TLN2: variants seen among roughly 807,000 people sequenced by gnomAD.
TLN2 encodes the protein talin-2.
A neutral mutation model predicts 294.7 loss-of-function variants in TLN2; 118 were observed. The ratio of observed to expected loss-of-function variants is 0.40; its 90% CI spans 0.34 to 0.47. The LOEUF is 0.47. Ranked by LOEUF, TLN2 falls within the 20% of genes least tolerant of loss-of-function variation. The probability of loss-of-function intolerance (pLI) is 0.84; values close to 1 mark genes in which losing one functional copy is unlikely to be tolerated. For synonymous variants in TLN2, 1,431 were observed against 1,304.5 expected, an observed-to-expected ratio of 1.10 and a Z score of -2.09; for missense variants, 3,083 against 3,282.2, an observed-to-expected ratio of 0.94 and a Z score of 1.48.
At chr15:62,693,664 ATTTCTT>A (rs1239785752) in intron 13 of TLN2, among the ~76,000 whole-genome samples, 1 of 151,990 alleles carries the variant, frequency 6.6e-6, no homozygotes, top group Non-Finnish European at 1.5e-5. Context: ...AGAAAAACAG[ATTTCTT>A]AAGGCTTCAA....
rs1595895249 is a variant in TLN2, at chr15:62,758,365, G to A, written c.4638+2672G>A. Among the ~76,000 whole-genome samples the A allele has an allele frequency of 2.0e-5, 3 of 152,248 alleles. No individual in the cohort carries two copies. The South Asian group carries it at 6.2e-4, about 32-fold the overall frequency. On this transcript the variant is annotated intron_variant, in intron 37 of 58. Coordinates refer to ENST00000636159, the MANE Select transcript of TLN2 (RefSeq NM_015059.3). Reference sequence around the variant, plus strand: ...AGAAGGATGCACACCCCTAACCACAGCGGCTGTCTCTCCGAGTCACCACAT... The same window carrying A: ...AGAAGGATGCACACCCCTAACCACAACGGCTGTCTCTCCGAGTCACCACAT...
chr15:62,488,305 C>T (rs968192089), intron 1 of TLN2, among the ~76,000 whole-genome samples: 2 of 152,086 alleles, frequency 1.3e-5, no homozygotes, highest in Non-Finnish European at 2.9e-5. Context: ...CCCTGATCTG[C>T]CGAAGGAGTA....
At chr15:62,635,442 C>T (rs1387175161) in intron 3 of TLN2, among the ~76,000 whole-genome samples, 1 of 151,966 alleles carries the variant, frequency 6.6e-6, no homozygotes, top group African/African-American at 2.4e-5. Flanking sequence ...AAAGAGTTTA[C>T]AATACTGTGG....
At chr15:62,830,367 C>G (rs1451866470) in intron 54 of TLN2, 1 of 152,650 alleles carries the variant, frequency 6.6e-6, no homozygotes, top group African/African-American at 2.4e-5. Context: ...CCATGTTGTT[C>G]TTCTTAGTCT....
rs1166677302 is a variant in TLN2, at chr15:62,675,241, A to T, written c.877A>T (p.Ser293Cys). Residue 293 changes from serine (S) to cysteine (C), a missense_variant, in exon 11 of 59, where the codon AGT (serine) becomes TGT (cysteine). Transcript: ENST00000636159. ...GGAGCATAAGAACTGCGGAGAGATG[A>T]GTGAGATAGAAGCCAAGGTCAAGTA... The part of the protein sequence containing the change: ...FQEHKNCGEM[S>C]EIEAKVKYVK... The T allele has an allele frequency of 6.2e-7, 1 of 1,614,214 alleles. No individual in the cohort carries two copies. The highest frequency in any genetic ancestry group is 1.1e-5 in the South Asian group (1 of 91,090).
chr15:62,643,751 T>C (rs2899682), intron 3 of TLN2, among the ~76,000 whole-genome samples: 121,812 of 151,814 alleles, frequency 0.8, 50,191 homozygotes, highest in Admixed American at 0.89. Flanking sequence ...CATCAGGAGG[T>C]GTGGAATTGA....
chr15:62,820,204 C>A (rs1218209974), intron 53 of TLN2, among the ~76,000 whole-genome samples: 1 of 152,164 alleles, frequency 6.6e-6, no homozygotes, highest in Non-Finnish European at 1.5e-5. Context: ...AAAGTCAGAG[C>A]AAAGCTCAAG....
In TLN2 at chr15:62,708,769, A is replaced by G. The variant is rs1180461561; in HGVS notation, c.2440A>G (p.Ser814Gly). ...ATDTIMCVTE[S>G]IFSSMGDAGE... ...TGACACCATCATGTGTGTCACCGAG[A>G]GCATCTTCAGCTCCATGGGTGACGC... The change falls in exon 21 of 59, where the codon AGC (serine) becomes GGC (glycine). Residue 814 changes from serine (S) to glycine (G), a missense_variant. Physicochemically the swap from Ser to Gly is moderately conservative, Grantham distance 56. Coordinates refer to ENST00000636159, the MANE Select transcript of TLN2 (RefSeq NM_015059.3). The G allele has an allele frequency of 1.2e-6, 2 of 1,605,344 alleles. No homozygotes were observed. The highest frequency in any genetic ancestry group is 1.7e-5 in the Admixed American group (1 of 59,988).
chr15:62,807,583 C>A (rs1473414556), intron 51 of TLN2, among the ~76,000 whole-genome samples: 1 of 152,150 alleles, frequency 6.6e-6, no homozygotes, highest in Non-Finnish European at 1.5e-5. Flanking sequence ...AGAAGAGAAA[C>A]CATGATTAAA....
chr15:62,459,757 T>C (rs1287213032), intron 1 of TLN2, among the ~76,000 whole-genome samples: 1 of 152,160 alleles, frequency 6.6e-6, no homozygotes, highest in Non-Finnish European at 1.5e-5. Context: ...CTGAATGTGA[T>C]CCTGTTCCAG....
chr15:62,742,640 A>AT (rs1795716457), intron 32 of TLN2, among the ~76,000 whole-genome samples: 1 of 152,106 alleles, frequency 6.6e-6, no homozygotes, highest in South Asian at 2.1e-4. Context: ...GAAAAAAAAA[A>AT]GCTTTCGTTG....
At chr15:62,612,142 T>G (rs1189527106) in intron 2 of TLN2, among the ~76,000 whole-genome samples, 2 of 152,174 alleles carry the variant, frequency 1.3e-5, no homozygotes, top group Non-Finnish European at 2.9e-5. Flanking sequence ...TTGCAGCCAG[T>G]ATTAAATATA....
intron 1 of TLN2, among the ~76,000 whole-genome samples, chr15:62,445,224 C>A (rs901117192): frequency 6.6e-6 from 1 of 152,200 alleles, no homozygotes; most frequent in Admixed American, 6.5e-5. Context: ...TCGTTCTTAT[C>A]CCTGCCAGTG....
At chr15:62,802,298 T>C (rs1020280356) in intron 50 of TLN2, among the ~76,000 whole-genome samples, 2 of 152,162 alleles carry the variant, frequency 1.3e-5, no homozygotes, top group Admixed American at 1.3e-4. Flanking sequence ...GGATCTCATT[T>C]TTTTTTTCCT....
intron 2 of TLN2, among the ~76,000 whole-genome samples, chr15:62,596,168 G>A (rs1159981645): frequency 6.7e-6 from 1 of 149,428 alleles, no homozygotes; most frequent in Non-Finnish European, 1.5e-5. Flanking sequence ...TGGAGGCTGA[G>A]GCAGGAGAAT....
chr15:62,539,529 A>G (rs2041552122), intron 1 of TLN2, among the ~76,000 whole-genome samples: 1 of 152,174 alleles, frequency 6.6e-6, no homozygotes, highest in Non-Finnish European at 1.5e-5. Context: ...GGAGGATGTG[A>G]TTAAAGTCAG....
At chr15:62,392,323 C>T (rs967884631) in intron 1 of TLN2, among the ~76,000 whole-genome samples, 1 of 152,136 alleles carries the variant, frequency 6.6e-6, no homozygotes, top group Non-Finnish European at 1.5e-5. Flanking sequence ...GAAGTGTTGG[C>T]GTTGTCAAAG....
At chr15:62,818,887 T>C (rs7173399) in intron 52 of TLN2, among the ~76,000 whole-genome samples, 2,121 of 152,054 alleles carry the variant, frequency 0.014, 47 homozygotes, top group African/African-American at 0.048. Context: ...ACTGACTCAA[T>C]CTCTCTGGCC....
chr15:62,838,850 C>G lies in TLN2; in HGVS notation c.7375-6C>G, dbSNP rs2070185180. The G allele has an allele frequency of 6.2e-7, 1 of 1,608,778 alleles. No individual in the cohort carries two copies. Among genetic ancestry groups the G allele is most frequent in the Admixed American group, 1.7e-5 (1 of 59,616 alleles). ...TGATATAATGTATGTTTTGTTCACT[C>G]TCCAGGCGGCAGGAAATGCTGTGAA... On this transcript the variant is annotated splice_region_variant and splice_polypyrimidine_tract_variant and intron_variant, in intron 57 of 58. Transcript: ENST00000636159.
Sources: gnomAD v4.1 joint callset for allele counts (sites outside exome capture counted in the v4.1 genomes callset) on GRCh38, gnomAD v4.1.1 for gene constraint, MANE v1.5 for transcripts, NCBI Gene and HGNC (gene_info 2026-07-23, HGNC 2026-07-21) for gene names.